CYRIA: variants seen among roughly 807,000 people sequenced by gnomAD.
CYRIA encodes CYFIP related Rac1 interactor A.
A neutral mutation model predicts 43.9 loss-of-function variants in CYRIA; 15 were observed. That is an observed-to-expected ratio of 0.34 (90% CI 0.23 to 0.53). The LOEUF is 0.53. Among genes scored for constraint, CYRIA ranks in the 20% least tolerant of loss-of-function variants. The probability of loss-of-function intolerance (pLI) is 0.94; values close to 1 mark genes in which losing one functional copy is unlikely to be tolerated. For synonymous variants in CYRIA, 117 were observed against 136.0 expected, an observed-to-expected ratio of 0.86 and a Z score of 0.97; for missense variants, 236 against 394.2, an observed-to-expected ratio of 0.60 and a Z score of 3.40.
intron 1 of CYRIA, among the ~76,000 whole-genome samples, chr2:16,659,399 T>A (rs142803281): frequency 5.9e-5 from 9 of 152,210 alleles, no homozygotes; most frequent in Non-Finnish European, 8.8e-5. Context: ...GGGGATAATA[T>A]CTGTTTCAAA....
rs35003671 is a variant in CYRIA, at chr2:16,550,304, CAA to C, written c.*2630_*2631del. The C allele has an allele frequency of 2.8e-5, 4 of 144,232 alleles. No homozygotes were observed. Among genetic ancestry groups the C allele is most frequent in the Admixed American group, 6.8e-5 (1 of 14,612 alleles). 8.9% of individuals were successfully genotyped at this position (144,232 alleles called of 1,614,324 possible). On this transcript the variant is annotated 3_prime_UTR_variant, in exon 12 of 12. Transcript: ENST00000381323. ...CACACACAAAAACCAAAAACAAAGC[CAA>C]AAAAAAAAAAATCCCAAACACAACA...
intron 1 of CYRIA, among the ~76,000 whole-genome samples, chr2:16,661,311 C>T (rs1307493721): frequency 1.3e-5 from 2 of 152,124 alleles, no homozygotes; most frequent in African/African-American, 4.8e-5. Flanking sequence ...ATCCAAGTCA[C>T]CTTTGTATCT....
intron 1 of CYRIA, among the ~76,000 whole-genome samples, chr2:16,627,448 G>T (rs548217964): frequency 3.3e-5 from 5 of 152,364 alleles, no homozygotes; most frequent in Admixed American, 2.0e-4. Context: ...CTTACTGTGT[G>T]TTGGGCTTTG....
intron 2 of CYRIA, among the ~76,000 whole-genome samples, chr2:16,610,351 C>T (rs941268007): frequency 6.6e-6 from 1 of 152,214 alleles, no homozygotes; most frequent in Admixed American, 6.5e-5. Flanking sequence ...GTCGAATACT[C>T]CTGCACTATT....
intron 1 of CYRIA, among the ~76,000 whole-genome samples, chr2:16,636,264 A>C (rs908440711): frequency 1.3e-5 from 2 of 152,166 alleles, no homozygotes; most frequent in African/African-American, 4.8e-5. Flanking sequence ...TCTGAATCTG[A>C]CCATAAACCA....
chr2:16,576,161 G>A (rs1292648242), intron 3 of CYRIA, among the ~76,000 whole-genome samples: 1 of 152,174 alleles, frequency 6.6e-6, no homozygotes, highest in African/African-American at 2.4e-5. Context: ...TGGATTCAAC[G>A]ATATAGTTCC....
chr2:16,616,507 C>G (rs1275776479), intron 2 of CYRIA, among the ~76,000 whole-genome samples: 2 of 152,216 alleles, frequency 1.3e-5, no homozygotes. Flanking sequence ...ACCTTCCTGC[C>G]TCTGGAATCC....
intron 11 of CYRIA, among the ~76,000 whole-genome samples, 173 bp from the exon 12 acceptor site, chr2:16,553,172 G>C (rs1572448664): frequency 6.6e-6 from 1 of 152,060 alleles, no homozygotes; most frequent in African/African-American, 2.4e-5. Context: ...TCCTTCCAAA[G>C]GAATTTTGTA....
intron 2 of CYRIA, among the ~76,000 whole-genome samples, chr2:16,607,312 A>AGGGGGGGGG (rs1572500695): frequency 2.6e-4 from 1 of 3,788 alleles, no homozygotes; most frequent in Non-Finnish European, 4.5e-4. Context: ...TCAGGCAGGG[A>AGGGGGGGGG]GGGGCGGGTG....
chr2:16,660,374 G>A (rs1160331130), intron 1 of CYRIA, among the ~76,000 whole-genome samples: 1 of 152,138 alleles, frequency 6.6e-6, no homozygotes, highest in African/African-American at 2.4e-5. Flanking sequence ...TGCAACATCA[G>A]GTGTAATTCA....
chr2:16,619,180 C>T (rs1668911125), intron 2 of CYRIA, among the ~76,000 whole-genome samples: 1 of 152,166 alleles, frequency 6.6e-6, no homozygotes. Context: ...AAGATTAAGT[C>T]TAGCCCATCC....
intron 3 of CYRIA, among the ~76,000 whole-genome samples, chr2:16,586,323 T>C (rs772609046): frequency 1.3e-5 from 2 of 152,150 alleles, no homozygotes; most frequent in African/African-American, 4.8e-5. Flanking sequence ...TGGCAAGATA[T>C]AGATAATTTG....
rs940197559 is a variant in CYRIA at position 16,560,448 on chromosome 2, G to A, written c.710+542C>T. ...AGGCCAGTTATTTACAGGCATAGTA[G>A]GGGCTACAGCCATAAATGGAACTCA... is the stretch of plus-strand genomic sequence containing the variant. On this transcript the variant is annotated intron_variant, in intron 9 of 11. Transcript: ENST00000381323. Among the ~76,000 whole-genome samples, 7 of 152,136 alleles carry A rather than the reference G, an allele frequency of 4.6e-5. No homozygotes were observed. The East Asian group carries it at 7.7e-4, about 17-fold the overall frequency.
chr2:16,665,456 A>T lies in CYRIA; in HGVS notation c.-167+324T>A, dbSNP rs181781449. 1.8e-3 allele frequency among the ~76,000 whole-genome samples: 273 copies of T among 151,606 alleles called. 1 individual carries two copies. Among genetic ancestry groups the T allele is most frequent in the Middle Eastern group, 6.8e-3 (2 of 294 alleles). ...GTCCCCTGCAAGAATGGAGCTTATG[A>T]TACCTGGGGTGGGGGGTAAGTGAGT... is the stretch of plus-strand genomic sequence containing the variant. On this transcript the variant is annotated intron_variant, in intron 1 of 11. Coordinates refer to ENST00000381323, the MANE Select transcript of CYRIA (RefSeq NM_030797.4).
intron 2 of CYRIA, among the ~76,000 whole-genome samples, chr2:16,603,289 A>G (rs952567508): frequency 7.9e-5 from 12 of 152,220 alleles, no homozygotes; most frequent in African/African-American, 2.9e-4. Flanking sequence ...TCTGCAGGCC[A>G]GAGTGAGGAG....
intron 2 of CYRIA, among the ~76,000 whole-genome samples, chr2:16,618,227 G>T (rs1008337685): frequency 5.3e-5 from 8 of 152,184 alleles, no homozygotes; most frequent in African/African-American, 1.9e-4. Flanking sequence ...GCAAGAGGAT[G>T]CTGCCTCTAA....
intron 2 of CYRIA, among the ~76,000 whole-genome samples, chr2:16,615,462 T>C (rs570675253): frequency 1.3e-5 from 2 of 152,328 alleles, no homozygotes; most frequent in Admixed American, 1.3e-4. Flanking sequence ...TAGGACCCAC[T>C]GAGCCCCCAC....
intron 3 of CYRIA, among the ~76,000 whole-genome samples, chr2:16,572,995 T>A (rs1667196433): frequency 6.6e-6 from 1 of 152,222 alleles, no homozygotes; most frequent in South Asian, 2.1e-4. Context: ...GATCATGTTC[T>A]TCCAATGTCC....
At chr2:16,656,397 G>T (rs998846036) in intron 1 of CYRIA, among the ~76,000 whole-genome samples, 2 of 152,134 alleles carry the variant, frequency 1.3e-5, no homozygotes, top group Non-Finnish European at 2.9e-5. Context: ...GGCCTCTCTA[G>T]TTTCTAAGGG....
Sources: gnomAD v4.1 joint callset for allele counts (sites outside exome capture counted in the v4.1 genomes callset) on GRCh38, gnomAD v4.1.1 for gene constraint, MANE v1.5 for transcripts, NCBI Gene and HGNC (gene_info 2026-07-23, HGNC 2026-07-21) for gene names.